Variants in PHACTR1 observed in about 807,000 individuals in gnomAD.
The protein encoded by PHACTR1 is RPEL repeat containing 1.
PHACTR1 carries 16 observed loss-of-function variants against 69.2 expected under a neutral mutation model. That is an observed-to-expected ratio of 0.23 (90% CI 0.16 to 0.35). The LOEUF is 0.35. Ranked by LOEUF, PHACTR1 falls within the 10% of genes least tolerant of loss-of-function variation. PHACTR1 has a pLI of 1.00. For missense variants in PHACTR1, 510 were observed against 734.7 expected (o/e 0.69, Z 3.54); for synonymous variants, 312 against 284.5 (o/e 1.10, Z -0.97).
intron 4 of PHACTR1, among the ~76,000 whole-genome samples, chr6:12,859,952 T>C (rs1359932166): frequency 2.6e-5 from 4 of 151,984 alleles, no homozygotes; most frequent in African/African-American, 7.2e-5. Context: ...GCGCTTCCTG[T>C]AAAAATTCTT....
chr6:13,065,752 A>G (rs1412381524), intron 5 of PHACTR1, among the ~76,000 whole-genome samples: 3 of 152,198 alleles, frequency 2.0e-5, no homozygotes, highest in Non-Finnish European at 2.9e-5. Context: ...AGTGACTGTT[A>G]AGCCAAATAA....
At chr6:13,139,452 GTTGTAT>G (rs1342032596) in intron 5 of PHACTR1, among the ~76,000 whole-genome samples, 2 of 151,952 alleles carry the variant, frequency 1.3e-5, no homozygotes, top group East Asian at 3.9e-4. Context: ...TGTTTTTTCC[GTTGTAT>G]TTATATTTTC....
intron 4 of PHACTR1, among the ~76,000 whole-genome samples, chr6:12,852,279 T>C (rs1779908785): frequency 6.6e-6 from 1 of 152,160 alleles, no homozygotes; most frequent in African/African-American, 2.4e-5. Flanking sequence ...CCTTTCTCTT[T>C]TTCTTCCTCC....
At chr6:13,165,237 A>G (rs995070666) in intron 6 of PHACTR1, among the ~76,000 whole-genome samples, 2 of 152,250 alleles carry the variant, frequency 1.3e-5, no homozygotes, top group African/African-American at 4.8e-5. Context: ...GTGAACTGCC[A>G]ACACTATAAA....
intron 4 of PHACTR1, among the ~76,000 whole-genome samples, chr6:13,024,228 G>C (rs1801382371): frequency 6.6e-6 from 1 of 152,200 alleles, no homozygotes; most frequent in Admixed American, 6.5e-5. Flanking sequence ...CAACTTGAAG[G>C]CTGAAATCTG....
intron 4 of PHACTR1, among the ~76,000 whole-genome samples, chr6:12,833,108 T>C (rs544668150): frequency 6.6e-6 from 1 of 152,260 alleles, no homozygotes; most frequent in East Asian, 1.9e-4. Context: ...GTCTTCCCAC[T>C]GTGAGGTGCC....
intron 8 of PHACTR1, among the ~76,000 whole-genome samples, chr6:13,210,911 CTTTTTTTT>C (rs56769825): frequency 4.0e-3 from 295 of 72,958 alleles, no homozygotes; most frequent in Non-Finnish European, 4.4e-3. Flanking sequence ...TTTATCATTT[CTTTTTTTT>C]TTTTTTTTTT....
At position 12,811,166 on chromosome 6, in the gene PHACTR1, G is replaced by A. The variant is rs185062604; in HGVS notation, c.250+61376G>A. 5.3e-5 allele frequency among the ~76,000 whole-genome samples: 8 copies of A among 152,296 alleles called. No individual in the cohort carries two copies. The East Asian group carries it at 9.6e-4, about 18-fold the overall frequency. On this transcript the variant is annotated intron_variant, in intron 4 of 14. Coordinates refer to ENST00000332995, the MANE Select transcript of PHACTR1 (RefSeq NM_030948.6). ...CCGTTGGCTTGTTTTATTATCAGTC[G>A]TAGATTACATAAGGGAGTTTCAGAA...
At chr6:13,095,616 T>G (rs1266834801) in intron 5 of PHACTR1, among the ~76,000 whole-genome samples, 1 of 152,180 alleles carries the variant, frequency 6.6e-6, no homozygotes, top group East Asian at 1.9e-4. Context: ...AACATAAATC[T>G]GCTCACAGCT....
chr6:12,876,538 A>G (rs979710510), intron 4 of PHACTR1, among the ~76,000 whole-genome samples: 3 of 152,206 alleles, frequency 2.0e-5, no homozygotes, highest in African/African-American at 7.2e-5. Context: ...TTAAAAACAC[A>G]TCACTGTCTT....
chr6:13,161,517 A>G (rs1038043851), intron 6 of PHACTR1, among the ~76,000 whole-genome samples: 2 of 148,810 alleles, frequency 1.3e-5, no homozygotes, highest in African/African-American at 4.9e-5. Flanking sequence ...GGTGGGCCAG[A>G]TTATTAAATC....
At chr6:13,227,304 A>G (rs1417971961) in intron 8 of PHACTR1, among the ~76,000 whole-genome samples, 2 of 152,204 alleles carry the variant, frequency 1.3e-5, no homozygotes, top group South Asian at 2.1e-4. Flanking sequence ...CTCAGTCCCT[A>G]TTAGTCGCCC....
At chr6:12,987,047 A>G (rs2127600401) in intron 4 of PHACTR1, among the ~76,000 whole-genome samples, 1 of 152,278 alleles carries the variant, frequency 6.6e-6, no homozygotes, top group Non-Finnish European at 1.5e-5. Context: ...ATTGGAATAT[A>G]TATATCCACA....
chr6:13,157,893 C>T (rs58205169), intron 5 of PHACTR1, among the ~76,000 whole-genome samples: 1 of 151,388 alleles, frequency 6.6e-6, no homozygotes, highest in African/African-American at 2.4e-5. Context: ...CTTTTCTTTT[C>T]TTTTTTTGAG....
chr6:12,896,043 G>A (rs1475293886), intron 4 of PHACTR1, among the ~76,000 whole-genome samples: 2 of 152,354 alleles, frequency 1.3e-5, no homozygotes, highest in East Asian at 3.9e-4. Flanking sequence ...AGTGCTGCAA[G>A]TTCTGCATGC....
rs372731491 is a variant in PHACTR1 at position 12,922,568 on chromosome 6, AAC to A, written c.251-130795_251-130794del. Among the ~76,000 whole-genome samples the A allele has an allele frequency of 6.4e-4, 98 of 152,310 alleles. 1 individual carries two copies. The highest frequency in any genetic ancestry group is 2.2e-3 in the African/African-American group (93 of 41,570). On this transcript the variant is annotated intron_variant, in intron 4 of 14. Transcript: ENST00000332995. ...ATCGTGTTTAGAAGTCACATCCATA[AAC>A]ATGGAGATGGAAACAAGAACATATA...
At chr6:12,829,727 G>A (rs1777205605) in intron 4 of PHACTR1, among the ~76,000 whole-genome samples, 1 of 151,894 alleles carries the variant, frequency 6.6e-6, no homozygotes, top group African/African-American at 2.4e-5. Flanking sequence ...GGCCGAGATG[G>A]GAGGATCACC....
chr6:13,079,626 C>T (rs971338734), intron 5 of PHACTR1, among the ~76,000 whole-genome samples: 1 of 152,104 alleles, frequency 6.6e-6, no homozygotes, highest in Non-Finnish European at 1.5e-5. Flanking sequence ...AGAAACATAC[C>T]TCAAGGGATT....
chr6:12,921,408 A>G (rs1404447007), intron 4 of PHACTR1, among the ~76,000 whole-genome samples: 1 of 151,798 alleles, frequency 6.6e-6, no homozygotes, highest in African/African-American at 2.4e-5. Flanking sequence ...CTTCAAGACT[A>G]AAATGCTAGT....
Sources: gnomAD v4.1 joint callset for allele counts (sites outside exome capture counted in the v4.1 genomes callset) on GRCh38, gnomAD v4.1.1 for gene constraint, MANE v1.5 for transcripts, NCBI Gene and HGNC (gene_info 2026-07-23, HGNC 2026-07-21) for gene names.